UBA2: variants seen among roughly 807,000 people sequenced by gnomAD.
UBA2 encodes the protein SUMO-activating enzyme subunit 2.
A neutral mutation model predicts 77.2 loss-of-function variants in UBA2; 11 were observed. The observed-to-expected ratio is 0.14, with a 90% confidence interval of 0.09 to 0.24. The LOEUF (loss-of-function observed/expected upper bound fraction) is 0.24, where lower values mean the gene tolerates loss of function less well. Ranked by LOEUF, UBA2 falls within the 10% of genes least tolerant of loss-of-function variation. The probability of loss-of-function intolerance (pLI) is 1.00; values close to 1 mark genes in which losing one functional copy is unlikely to be tolerated. For missense variants in UBA2, 487 were observed against 781.7 expected (o/e 0.62, Z 4.50); for synonymous variants, 278 against 276.7 (o/e 1.00, Z -0.05).
Position 34,451,586 on chromosome 19 carries a change from C to T in UBA2, c.872-395C>T, listed in dbSNP as rs556238047. ...TTTTTGAGACAGAGTCTTGCTCTGT[C>T]GCCCAGGCTGGAGTGCAGTGGCGCG... is the stretch of plus-strand genomic sequence containing the variant. On this transcript the variant is annotated intron_variant, in intron 9 of 16. Transcript: ENST00000246548. Among the ~76,000 whole-genome samples, 200 of 109,142 alleles carry T rather than the reference C, an allele frequency of 1.8e-3. 4 individuals carry two copies. Among genetic ancestry groups the T allele is most frequent in the African/African-American group, 6.5e-3 (186 of 28,734 alleles). 71.6% of individuals were successfully genotyped at this position (109,142 alleles called of 152,430 possible). A position where few individuals can be genotyped will look rare whatever the true frequency, so the allele number is the denominator to read the frequency against.
chr19:34,442,158 C>G (rs1204928050), intron 6 of UBA2, among the ~76,000 whole-genome samples: 1 of 152,080 alleles, frequency 6.6e-6, no homozygotes, highest in Non-Finnish European at 1.5e-5. Context: ...TCACTTGAGC[C>G]TAGGAGGTCG....
intron 5 of UBA2, among the ~76,000 whole-genome samples, chr19:34,436,489 G>A (rs552654321): frequency 7.9e-5 from 12 of 152,170 alleles, no homozygotes; most frequent in Non-Finnish European, 1.5e-4. Context: ...AGTAGAGACG[G>A]GGTTTCTCTA....
chr19:34,441,608 G>A (rs1198948006), intron 6 of UBA2, among the ~76,000 whole-genome samples: 2 of 152,158 alleles, frequency 1.3e-5, no homozygotes, highest in African/African-American at 4.8e-5. Context: ...ACATAACAGT[G>A]TCAACTTGAT....
intron 15 of UBA2, 60 bp from the exon 16 acceptor site, chr19:34,466,818 C>T (rs1414340754): frequency 6.6e-6 from 10 of 1,509,096 alleles, no homozygotes; most frequent in Non-Finnish European, 8.3e-6. Context: ...AACAGGATTT[C>T]TCTGGTGCTC....
chr19:34,450,221 A>T lies in UBA2; in HGVS notation c.772-44A>T. On this transcript the variant is annotated intron_variant, in intron 8 of 16. Transcript: ENST00000246548. The stretch of plus-strand genomic sequence containing the variant: ...AATGACGTTTTCTTGTATCTTATCA[A>T]TTAGGGATTATGGGGTTCATGGGAT... 3 of 1,367,700 alleles carry T rather than the reference A, an allele frequency of 2.2e-6. No individual in the cohort carries two copies. In the Admixed American group the frequency reaches 5.6e-5, roughly 25 times the overall value. 84.7% of individuals were successfully genotyped at this position (1,367,700 alleles called of 1,614,324 possible). A position where few individuals can be genotyped will look rare whatever the true frequency, so the allele number is the denominator to read the frequency against.
intron 5 of UBA2, 30 bp downstream of exon 5, chr19:34,434,998 C>T: frequency 1.4e-6 from 2 of 1,433,416 alleles, no homozygotes; most frequent in Non-Finnish European, 1.9e-6. Flanking sequence ...TTTTAACTTC[C>T]CAAATATTTA....
intron 6 of UBA2, among the ~76,000 whole-genome samples, chr19:34,440,990 A>AC (rs1324625233): frequency 1.9e-4 from 29 of 151,992 alleles, no homozygotes; most frequent in African/African-American, 6.8e-4. Context: ...GTGTGTCTTG[A>AC]CCACGTGTCT....
intron 14 of UBA2, among the ~76,000 whole-genome samples, chr19:34,462,780 A>T (rs2075645639): frequency 6.6e-6 from 1 of 152,200 alleles, no homozygotes; most frequent in Non-Finnish European, 1.5e-5. Context: ...AGCCTGGCCA[A>T]CATGGCAAAA....
Position 34,454,335 on chromosome 19 carries a change from A to T in UBA2, c.1114A>T (p.Ser372Cys). Residue 372 changes from serine to cysteine, a missense_variant, in exon 11 of 17, where the codon AGT becomes TGT. By Grantham distance (112) the Ser-to-Cys change is moderately radical. Around this residue, in one of 9 missense-constraint regions of UBA2, gnomAD observed 300 missense variants for 454.3 expected, o/e 0.66. Transcript: ENST00000246548. ...RMHIFSMNMK[S>C]RFDIKSMAGN... Reference sequence around the variant, plus strand: ...GCATATTTTCAGTATGAATATGAAGAGTAGATTTGATATCAAATGTAAGTT... The same window carrying T: ...GCATATTTTCAGTATGAATATGAAGTGTAGATTTGATATCAAATGTAAGTT... 1 of 1,611,548 alleles carries T rather than the reference A, an allele frequency of 6.2e-7. No individual in the cohort carries two copies. Among genetic ancestry groups the T allele is most frequent in the Non-Finnish European group, 8.5e-7 (1 of 1,179,168 alleles).
intron 12 of UBA2, among the ~76,000 whole-genome samples, chr19:34,458,278 G>A (rs1050826016): frequency 6.6e-5 from 10 of 151,958 alleles, no homozygotes; most frequent in Admixed American, 2.0e-4. Context: ...GGTTGAGGCC[G>A]GGCGCGGTGG....
intron 9 of UBA2, among the ~76,000 whole-genome samples, chr19:34,451,765 C>T (rs1599917403): frequency 1.3e-5 from 2 of 151,880 alleles, no homozygotes; most frequent in East Asian, 3.9e-4. Flanking sequence ...CCAGGATGGT[C>T]TCGATCTCCT....
Position 34,448,761 on chromosome 19 carries a change from A to C in UBA2, c.772-1504A>C, listed in dbSNP as rs1020756445. Among the ~76,000 whole-genome samples, 9 of 152,308 alleles carry C rather than the reference A, an allele frequency of 5.9e-5. No individual in the cohort carries two copies. In the East Asian group the frequency reaches 1.7e-3, roughly 29 times the overall value. On this transcript the variant is annotated intron_variant, in intron 8 of 16. Transcript: ENST00000246548. ...GGTTTCAACTAGGGATATGGTTGGG[A>C]TTCCTAGGTTTATAGATGTGGTTAA...
chr19:34,444,126 C>T (rs775334519), intron 7 of UBA2, among the ~76,000 whole-genome samples: 1 of 137,514 alleles, frequency 7.3e-6, no homozygotes, highest in Non-Finnish European at 1.5e-5. Context: ...GGTATAATCT[C>T]GGCTCACTGC....
intron 9 of UBA2, 83 bp downstream of exon 9, chr19:34,450,447 A>C: frequency 1.1e-6 from 1 of 885,658 alleles, no homozygotes; most frequent in South Asian, 1.8e-5. Flanking sequence ...TTGTTGCTTG[A>C]AAATGATATG....
In UBA2 at chr19:34,460,451, CTT is replaced by C. The variant is rs78898896; in HGVS notation, c.1402-6_1402-5del. On this transcript the variant is annotated splice_polypyrimidine_tract_variant and intron_variant, in intron 13 of 16. Transcript: ENST00000246548. Reference sequence around the variant, plus strand: ...ATTACCTACGTTAATATTTTGAATCCTTTTTTTTTTTTTTGTAGATAGTGAAA... The same window carrying C: ...ATTACCTACGTTAATATTTTGAATCCTTTTTTTTTTTTGTAGATAGTGAAA... The C allele has an allele frequency of 0.012, 13,837 of 1,184,896 alleles. No individual in the cohort carries two copies. Among genetic ancestry groups the C allele is most frequent in the South Asian group, 0.017 (1,101 of 66,004 alleles). The allele number at this position is 1,184,896 out of a possible 1,614,324, so 73.4% of individuals were successfully genotyped here. A position where few individuals can be genotyped will look rare whatever the true frequency, so the allele number is the denominator to read the frequency against.
chr19:34,429,492 CATG>C (rs1322077912), intron 1 of UBA2, among the ~76,000 whole-genome samples: 2 of 152,102 alleles, frequency 1.3e-5, no homozygotes, highest in Non-Finnish European at 2.9e-5. Flanking sequence ...AAACTTAAAA[CATG>C]ATACTTTTTT....
At chr19:34,435,008 A>T (rs1413098345) in intron 5 of UBA2, 40 bp downstream of exon 5, 1 of 1,347,444 alleles carries the variant, frequency 7.4e-7, no homozygotes, top group South Asian at 1.3e-5. Context: ...CCAAATATTT[A>T]TTTGAGACCT....
chr19:34,464,026 CTAA>C lies in UBA2; in HGVS notation c.1504_1506del (p.Asn502del). The stretch of plus-strand genomic sequence containing the variant: ...TATCTAAATTATTCACGTTTCCTAG[CTAA>C]TAATCACAAGAAGTTGTCAGAATTT... On this transcript the variant is annotated inframe_deletion and splice_region_variant, in exon 15 of 17. Coordinates refer to ENST00000246548, the MANE Select transcript of UBA2 (RefSeq NM_005499.3). The C allele has an allele frequency of 6.2e-7, 1 of 1,604,280 alleles. No individual in the cohort carries two copies. The highest frequency in any genetic ancestry group is 1.3e-5 in the African/African-American group (1 of 74,806).
chr19:34,468,319 C>T (rs4461190), intron 16 of UBA2, among the ~76,000 whole-genome samples: 141,528 of 151,948 alleles, frequency 0.93, 66,054 homozygotes, highest in African/African-American at 0.98. Flanking sequence ...CCTGTTTTTT[C>T]CCCCCTCACT....
Sources: allele counts gnomAD v4.1 joint callset (sites outside exome capture counted in the v4.1 genomes callset), GRCh38; gene constraint gnomAD v4.1.1; regional missense constraint gnomAD v4.1.1; transcripts MANE v1.5; gene names NCBI Gene and HGNC (gene_info 2026-07-23, HGNC 2026-07-21).